The following ANO7 variants were observed in gnomAD, a reference collection of about 807,000 sequenced individuals.
ANO7 encodes the protein anoctamin 7.
Under a neutral mutation model 115.8 loss-of-function variants are expected in ANO7, and 114 were observed. That is an observed-to-expected ratio of 0.98 (90% CI 0.85 to 1.15). The LOEUF (loss-of-function observed/expected upper bound fraction) is 1.15, where lower values mean the gene tolerates loss of function less well. Ranked by LOEUF, ANO7 falls within the 50% of genes most tolerant of loss-of-function variation. ANO7 has a pLI of 0.00. For synonymous variants in ANO7, 550 were observed against 498.2 expected (o/e 1.10, Z -1.38); for missense variants, 1,302 against 1,201.2 (o/e 1.08, Z -1.24).
At chr2:241,218,111 GGGCGCGCA>G (rs2068897233) in intron 20 of ANO7, 120 bp from the exon 21 acceptor site, 1 of 512,828 alleles carries the variant, frequency 1.9e-6, no homozygotes, top group Non-Finnish European at 2.2e-6. Context: ...GGGGCAGCGG[GGGCGCGCA>G]GGGGCGGAGC....
chr2:241,224,009 G>A, intron 24 of ANO7, 54 bp downstream of exon 24: 1 of 1,613,638 alleles, frequency 6.2e-7, no homozygotes, highest in East Asian at 2.2e-5. Flanking sequence ...AGGTCACAGG[G>A]CCCTGCCCAG....
At position 241,210,458 on chromosome 2, in the gene ANO7, C is replaced by T; in HGVS notation, c.1459-10C>T. On this transcript the variant is annotated splice_polypyrimidine_tract_variant and intron_variant, in intron 14 of 24. Transcript: ENST00000674324. Reference sequence around the variant, plus strand: ...CCCTCATCCGGCTCTGACGGCCTGTCTCCCGTTAGGCCTCTCGCATCGCCA... The same window carrying T: ...CCCTCATCCGGCTCTGACGGCCTGTTTCCCGTTAGGCCTCTCGCATCGCCA... The T allele has an allele frequency of 6.2e-7, 1 of 1,613,960 alleles. No individual in the cohort carries two copies. Among genetic ancestry groups the T allele is most frequent in the Non-Finnish European group, 8.5e-7 (1 of 1,179,946 alleles).
chr2:241,227,135 G>A (rs1677), downstream of ANO7: 111,535 of 152,264 alleles, frequency 0.73, 42,097 homozygotes, highest in East Asian at 0.95. Flanking sequence ...GTCTCCCTCA[G>A]TGTGGCTCCC....
intron 9 of ANO7, among the ~76,000 whole-genome samples, chr2:241,204,265 T>TG (rs1156419037): frequency 6.6e-6 from 1 of 152,086 alleles, no homozygotes; most frequent in Non-Finnish European, 1.5e-5. Context: ...CAGGCAGACT[T>TG]GCGTTTCACA....
the ANO7 span, chr2:241,233,797 C>A: frequency 2.1e-5 from 34 of 1,613,808 alleles, no homozygotes; most frequent in Admixed American, 1.5e-4. This position sits in a 1 kb window ranked among gnomAD's most constrained non-coding sequence, Gnocchi z 4.3. Flanking sequence ...CTGCCCCCGA[C>A]ACGCTCCAAC....
At chr2:241,236,040 A>G in the ANO7 span, 3 of 192,506 alleles carry the variant, frequency 1.6e-5, no homozygotes, top group Non-Finnish European at 3.2e-5. Context: ...ACCGCTGCTC[A>G]CCTTCCCTGC....
At chr2:241,200,060 T>C in intron 5 of ANO7, 29 bp from the exon 6 acceptor site, 3 of 1,606,168 alleles carry the variant, frequency 1.9e-6, no homozygotes, top group Non-Finnish European at 2.5e-6. Context: ...CTCCCGGGAG[T>C]GGGAGGAGCC....
chr2:241,199,989 C>T (rs1055128036), intron 5 of ANO7, 100 bp from the exon 6 acceptor site: 14 of 1,418,174 alleles, frequency 9.9e-6, no homozygotes, highest in East Asian at 2.4e-5. Context: ...GGAGCCCCTT[C>T]GCCCATTGCC....
downstream of ANO7, chr2:241,229,977 A>G (rs369323850): frequency 2.5e-6 from 4 of 1,587,930 alleles, no homozygotes; most frequent in Non-Finnish European, 3.4e-6. Flanking sequence ...GGCAGAAGAC[A>G]GGAAGACAGG....
chr2:241,230,718 T>G, downstream of ANO7: 21 of 1,583,890 alleles, frequency 1.3e-5, no homozygotes, highest in Non-Finnish European at 1.8e-5. The surrounding 1 kb of genome is among the most constrained non-coding windows in gnomAD (Gnocchi z 5.0). Flanking sequence ...GTGCCCCCGG[T>G]GAGAGAGGAT....
chr2:241,232,485 A>G, the ANO7 span, among the ~76,000 whole-genome samples: 1 of 152,188 alleles, frequency 6.6e-6, no homozygotes, highest in Admixed American at 6.5e-5. Context: ...CATGTTGGTC[A>G]GGTTGGCCTT....
chr2:241,199,113 C>G (rs375933165), intron 4 of ANO7: 19 of 556,802 alleles, frequency 3.4e-5, no homozygotes, highest in East Asian at 1.2e-4. Flanking sequence ...GGCCGACTCC[C>G]AAACGGGGCT....
At chr2:241,234,536 T>C in the ANO7 span, among the ~76,000 whole-genome samples, 1 of 152,158 alleles carries the variant, frequency 6.6e-6, no homozygotes, top group South Asian at 2.1e-4. Flanking sequence ...GCCAACCCCC[T>C]TAGCAAACCA....
At position 241,210,467 on chromosome 2, in the gene ANO7, G is replaced by A. The variant is rs776193567; in HGVS notation, c.1459-1G>A. 1 of 1,614,024 alleles carries A rather than the reference G, an allele frequency of 6.2e-7. No individual in the cohort carries two copies. On this transcript the variant is annotated splice_acceptor_variant, in intron 14 of 24. Coordinates refer to ENST00000674324, the MANE Select transcript of ANO7 (RefSeq NM_001370694.2). LOFTEE classifies it high-confidence loss of function. ...GGCTCTGACGGCCTGTCTCCCGTTAGGCCTCTCGCATCGCCAGCCTCACGG... is the reference window on the plus strand; with the variant it reads ...GGCTCTGACGGCCTGTCTCCCGTTAAGCCTCTCGCATCGCCAGCCTCACGG...
chr2:241,224,361 C>CT lies in ANO7; in HGVS notation c.*208_*209insT, dbSNP rs1005765810. The CT allele has an allele frequency of 3.3e-5, 20 of 606,150 alleles. No individual in the cohort carries two copies. Among genetic ancestry groups the CT allele is most frequent in the Non-Finnish European group, 5.5e-5 (19 of 347,340 alleles). 37.5% of individuals were successfully genotyped at this position (606,150 alleles called of 1,614,324 possible). A position where few individuals can be genotyped will look rare whatever the true frequency, so the allele number is the denominator to read the frequency against. On this transcript the variant is annotated 3_prime_UTR_variant, in exon 25 of 25. Transcript: ENST00000674324. ...TCCATCCCCGGCAGGGAGGGACCGT[C>CT]AGCTCACAAGGCCCTCTTTGTTTCC... is the stretch of plus-strand genomic sequence containing the variant.
chr2:241,217,593 C>A, intron 19 of ANO7, 93 bp from the exon 20 acceptor site: 1 of 1,390,030 alleles, frequency 7.2e-7, no homozygotes, highest in Non-Finnish European at 9.8e-7. Flanking sequence ...GGTGGCGGCA[C>A]CACGTGGACT....
rs570546392 is a variant in ANO7 at position 241,225,646 on chromosome 2, G to A, written c.*1493G>A. Among the ~76,000 whole-genome samples the A allele has an allele frequency of 7.9e-5, 12 of 151,260 alleles. No individual in the cohort carries two copies. In the South Asian group the frequency reaches 8.4e-4, roughly 11 times the overall value. On this transcript the variant is annotated 3_prime_UTR_variant, in exon 25 of 25. Coordinates refer to ENST00000674324, the MANE Select transcript of ANO7 (RefSeq NM_001370694.2). ...TCGCCTGCGTTCTATTTCACCCACC[G>A]TGATGCCTGGCCTGAGGGCGGCGTG...
At chr2:241,217,602 C>A in intron 19 of ANO7, 84 bp from the exon 20 acceptor site, 2 of 1,449,168 alleles carry the variant, frequency 1.4e-6, no homozygotes, top group Non-Finnish European at 1.9e-6. Flanking sequence ...ACCACGTGGA[C>A]TGGCCGGTCC....
At chr2:241,215,284 G>A (rs1028560526) in intron 18 of ANO7, among the ~76,000 whole-genome samples, 1 of 152,240 alleles carries the variant, frequency 6.6e-6, no homozygotes, top group Non-Finnish European at 1.5e-5. Context: ...GAGGGAGGAG[G>A]AAAAGGAGGT....
Sources: gnomAD v4.1 joint callset for allele counts (sites outside exome capture counted in the v4.1 genomes callset) on GRCh38, gnomAD v4.1.1 for gene constraint, Gnocchi (gnomAD v3.1) non-coding constraint, MANE v1.5 for transcripts, NCBI Gene and HGNC (gene_info 2026-07-23, HGNC 2026-07-21) for gene names.